Variants in KIAA1217 observed in about 807,000 individuals in gnomAD.
The protein encoded by KIAA1217 is KIAA1217, also known as sickle tail protein homolog.
In KIAA1217, 88 loss-of-function variants were observed where a neutral mutation model predicts 163.9. The observed-to-expected ratio is 0.54, with a 90% CI of 0.45 to 0.64. KIAA1217 has a LOEUF of 0.64. KIAA1217 is among the 30% of genes least tolerant of loss of function. KIAA1217 has a pLI of 0.00. For missense variants in KIAA1217, 2,372 were observed against 2,475.0 expected (o/e 0.96, Z 0.88); for synonymous variants, 903 against 923.1 (o/e 0.98, Z 0.39).
chr10:24,081,672 G>T (rs765035942), intron 2 of KIAA1217, among the ~76,000 whole-genome samples: 3 of 152,096 alleles, frequency 2.0e-5, no homozygotes, highest in Non-Finnish European at 4.4e-5. Flanking sequence ...GAATTGTCTT[G>T]GGCCACATAT....
intron 1 of KIAA1217, among the ~76,000 whole-genome samples, chr10:23,704,172 G>GTATA (rs35533445): frequency 0.036 from 1,429 of 39,834 alleles, 44 homozygotes; most frequent in Non-Finnish European, 0.039. Context: ...GTGTGTGTGT[G>GTATA]TATATATATA....
At chr10:24,065,496 T>G (rs2060904447) in intron 2 of KIAA1217, among the ~76,000 whole-genome samples, 1 of 152,266 alleles carries the variant, frequency 6.6e-6, no homozygotes, top group African/African-American at 2.4e-5. Context: ...GATTGCACTG[T>G]GGTCTGAGAG....
intron 2 of KIAA1217, among the ~76,000 whole-genome samples, chr10:24,071,283 T>C (rs987767746): frequency 2.6e-5 from 4 of 152,186 alleles, no homozygotes; most frequent in South Asian, 4.1e-4. Context: ...GAAAACTTCA[T>C]TGGGAAAAAA....
chr10:24,323,298 T>A (rs1471936665), intron 2 of KIAA1217, among the ~76,000 whole-genome samples: 1 of 152,186 alleles, frequency 6.6e-6, no homozygotes, highest in East Asian at 1.9e-4. Context: ...CCCAGGAGTA[T>A]GTTGTTAAAC....
chr10:24,055,205 T>A (rs886089011), intron 2 of KIAA1217, among the ~76,000 whole-genome samples: 10 of 152,162 alleles, frequency 6.6e-5, no homozygotes, highest in Admixed American at 1.3e-4. Context: ...AAGTTGAGGC[T>A]GCAGTCAGCT....
intron 2 of KIAA1217, among the ~76,000 whole-genome samples, chr10:24,087,012 T>G (rs540428591): frequency 1.3e-5 from 2 of 152,298 alleles, no homozygotes; most frequent in South Asian, 2.1e-4. Flanking sequence ...CATTGTCCAG[T>G]ATGGCTCTGA....
chr10:24,244,320 T>C lies in KIAA1217; in HGVS notation c.354+24411T>C, dbSNP rs574223254. 1.2e-4 allele frequency among the ~76,000 whole-genome samples: 18 copies of C among 152,298 alleles called. No individual in the cohort carries two copies. The Middle Eastern group carries it at 0.01, about 86-fold the overall frequency. ...GTGGGAGGGATTTCTAGAAGCTCTT[T>C]ACAGCTGAGGCCCTTTTCATCGCTA... On this transcript the variant is annotated intron_variant, in intron 2 of 20. Coordinates refer to ENST00000376454, the MANE Select transcript of KIAA1217 (RefSeq NM_019590.5).
At chr10:24,081,248 G>T (rs1288987855) in intron 2 of KIAA1217, among the ~76,000 whole-genome samples, 2 of 152,186 alleles carry the variant, frequency 1.3e-5, no homozygotes, top group Admixed American at 1.3e-4. Context: ...AAGAAAACGT[G>T]CCAGGAAGCC....
intron 2 of KIAA1217, among the ~76,000 whole-genome samples, chr10:24,049,770 G>A (rs949131376): frequency 2.0e-5 from 3 of 152,112 alleles, no homozygotes; most frequent in Admixed American, 6.5e-5. Context: ...GTAAACATAC[G>A]TGTGCATGTG....
intron 2 of KIAA1217, among the ~76,000 whole-genome samples, chr10:24,331,430 G>A (rs2045653893): frequency 6.6e-6 from 1 of 152,238 alleles, no homozygotes; most frequent in Non-Finnish European, 1.5e-5. Flanking sequence ...CAGATTTCAG[G>A]TGTTGAAGAG....
intron 2 of KIAA1217, among the ~76,000 whole-genome samples, chr10:24,360,865 C>G (rs1245195413): frequency 1.3e-5 from 2 of 149,676 alleles, no homozygotes; most frequent in African/African-American, 4.9e-5. Flanking sequence ...CCTGTTGTTT[C>G]AAATTTATCA....
At chr10:24,229,444 G>A (rs556590518) in intron 2 of KIAA1217, among the ~76,000 whole-genome samples, 32 of 152,316 alleles carry the variant, frequency 2.1e-4, no homozygotes, top group African/African-American at 7.5e-4. Flanking sequence ...TGTAGTAGAA[G>A]CAGCTACTTA....
At chr10:23,780,512 A>G (rs1388015457) in intron 1 of KIAA1217, among the ~76,000 whole-genome samples, 3 of 152,156 alleles carry the variant, frequency 2.0e-5, no homozygotes, top group Non-Finnish European at 2.9e-5. Context: ...TGTCTGACTT[A>G]TTTCATTTAG....
At chr10:24,133,206 G>C (rs1324819733) in intron 2 of KIAA1217, among the ~76,000 whole-genome samples, 1 of 152,070 alleles carries the variant, frequency 6.6e-6, no homozygotes, top group Non-Finnish European at 1.5e-5. Flanking sequence ...AATCTCTGAG[G>C]AACCCGCACA....
intron 2 of KIAA1217, among the ~76,000 whole-genome samples, chr10:24,155,243 T>C (rs1206536002): frequency 6.6e-6 from 1 of 152,282 alleles, no homozygotes; most frequent in East Asian, 1.9e-4. Flanking sequence ...TTTTTGCCCT[T>C]GACAAATGGC....
chr10:24,507,468 T>TA (rs2068523073), intron 9 of KIAA1217, among the ~76,000 whole-genome samples: 1 of 152,032 alleles, frequency 6.6e-6, no homozygotes, highest in Non-Finnish European at 1.5e-5. Flanking sequence ...ATGGAAGATA[T>TA]AAAAAATATC....
At chr10:24,128,522 T>G (rs560884937) in intron 2 of KIAA1217, among the ~76,000 whole-genome samples, 1 of 152,334 alleles carries the variant, frequency 6.6e-6, no homozygotes, top group Non-Finnish European at 1.5e-5. Flanking sequence ...CTTTTGTTGA[T>G]CCTGTCTGCT....
At chr10:23,892,824 A>G (rs1034571426) in intron 1 of KIAA1217, among the ~76,000 whole-genome samples, 1 of 151,976 alleles carries the variant, frequency 6.6e-6, no homozygotes, top group Non-Finnish European at 1.5e-5. Context: ...ACAGCTTAAA[A>G]TAAGTAATGC....
At chr10:23,716,762 CA>C (rs1271655226) in intron 1 of KIAA1217, among the ~76,000 whole-genome samples, 1 of 151,952 alleles carries the variant, frequency 6.6e-6, no homozygotes, top group African/African-American at 2.4e-5. Flanking sequence ...CATGTAACAA[CA>C]AAAAAACATT....
Sources: allele counts gnomAD v4.1 joint callset (sites outside exome capture counted in the v4.1 genomes callset), GRCh38; gene constraint gnomAD v4.1.1; transcripts MANE v1.5; gene names NCBI Gene and HGNC (gene_info 2026-07-23, HGNC 2026-07-21).